The following PRKD1 variants were observed in gnomAD, a reference collection of about 807,000 sequenced individuals.
PRKD1 encodes the protein serine/threonine-protein kinase D1.
Under a neutral mutation model 95.9 loss-of-function variants are expected in PRKD1, and 63 were observed. The observed-to-expected ratio is 0.66, with a 90% CI of 0.54 to 0.81. PRKD1 has a LOEUF of 0.81. PRKD1 is among the 30% of genes least tolerant of loss of function. The probability of loss-of-function intolerance (pLI) is 0.00; values close to 1 mark genes in which losing one functional copy is unlikely to be tolerated. For missense variants in PRKD1, 1,048 were observed against 1,165.3 expected (o/e 0.90, Z 1.47); for synonymous variants, 425 against 423.1 (o/e 1.00, Z -0.05).
chr14:29,841,638 G>A (rs1345040724), intron 1 of PRKD1, among the ~76,000 whole-genome samples: 1 of 152,064 alleles, frequency 6.6e-6, no homozygotes, highest in African/African-American at 2.4e-5. Context: ...CCAGCCATGG[G>A]GAACTATAAG....
intron 4 of PRKD1, among the ~76,000 whole-genome samples, chr14:29,641,319 A>G (rs1880747279): frequency 6.6e-6 from 1 of 152,242 alleles, no homozygotes; most frequent in Non-Finnish European, 1.5e-5. Context: ...AAAATCAGAT[A>G]GCAATCCAAC....
chr14:29,841,887 CA>C (rs903632360), intron 1 of PRKD1, among the ~76,000 whole-genome samples: 93 of 151,566 alleles, frequency 6.1e-4, no homozygotes, highest in African/African-American at 2.1e-3. Context: ...AGCTGTACCC[CA>C]AAAAAAATTT....
intron 1 of PRKD1, among the ~76,000 whole-genome samples, chr14:29,769,530 A>G (rs1888409840): frequency 1.3e-5 from 2 of 152,146 alleles, no homozygotes; most frequent in Admixed American, 6.6e-5. Context: ...ACTGCACTCC[A>G]GCCTAGGCAG....
intron 1 of PRKD1, among the ~76,000 whole-genome samples, chr14:29,785,552 AT>A (rs1889232444): frequency 6.6e-6 from 1 of 150,714 alleles, no homozygotes; most frequent in South Asian, 2.1e-4. Flanking sequence ...GATGCTCTTT[AT>A]TTCTTTTTCT....
At chr14:29,844,100 T>C (rs574064049) in intron 1 of PRKD1, among the ~76,000 whole-genome samples, 5 of 152,304 alleles carry the variant, frequency 3.3e-5, no homozygotes, top group East Asian at 3.9e-4. Flanking sequence ...GTGAACCAAG[T>C]ATTTGGCAGT....
At chr14:29,715,980 T>C (rs1039259648) in intron 2 of PRKD1, among the ~76,000 whole-genome samples, 1 of 152,204 alleles carries the variant, frequency 6.6e-6, no homozygotes, top group Non-Finnish European at 1.5e-5. Context: ...ATCCAAGTCC[T>C]GTTGTGCCAT....
At chr14:29,865,579 T>C (rs1892867029) in intron 1 of PRKD1, among the ~76,000 whole-genome samples, 1 of 152,182 alleles carries the variant, frequency 6.6e-6, no homozygotes, top group Admixed American at 6.5e-5. Context: ...TCTCTTGCAT[T>C]TCCATCTTCT....
chr14:29,866,130 G>A (rs1034021499), intron 1 of PRKD1, among the ~76,000 whole-genome samples: 3 of 151,738 alleles, frequency 2.0e-5, no homozygotes, highest in Non-Finnish European at 4.4e-5. Flanking sequence ...ATAAGATAAA[G>A]TGATACAGAA....
At chr14:29,688,582 C>T (rs1884019203) in intron 2 of PRKD1, among the ~76,000 whole-genome samples, 1 of 152,030 alleles carries the variant, frequency 6.6e-6, no homozygotes, top group African/African-American at 2.4e-5. Context: ...TACCATGATC[C>T]CTTTTATTCC....
Position 29,666,224 on chromosome 14 carries a change from T to A in PRKD1, c.404-16A>T. 6.3e-7 allele frequency: 1 copy of A among 1,577,130 alleles called. No individual in the cohort carries two copies. The highest frequency in any genetic ancestry group is 1.2e-5 in the South Asian group (1 of 85,936). On this transcript the variant is annotated splice_polypyrimidine_tract_variant and intron_variant, in intron 2 of 17. Coordinates refer to ENST00000331968, the MANE Select transcript of PRKD1 (RefSeq NM_002742.3). ...GTGGCGGAAGCTGTAAAAATAGTGA[T>A]GTTGAAAAGTAAGTTGAATAGGCAC...
chr14:29,805,644 T>C (rs903562497), intron 1 of PRKD1, among the ~76,000 whole-genome samples: 10 of 152,310 alleles, frequency 6.6e-5, no homozygotes, highest in South Asian at 4.1e-4. Context: ...AACTAGAGTA[T>C]TGCATTTTTC....
intron 11 of PRKD1, among the ~76,000 whole-genome samples, 174 bp downstream of exon 11, chr14:29,628,867 A>G (rs528944088): frequency 5.3e-5 from 7 of 131,338 alleles, no homozygotes; most frequent in Non-Finnish European, 7.8e-5. Flanking sequence ...TTATAGAAAA[A>G]TTACTAATCT....
chr14:29,592,136 A>G (rs1893152292), intron 16 of PRKD1, among the ~76,000 whole-genome samples: 1 of 152,096 alleles, frequency 6.6e-6, no homozygotes, highest in Non-Finnish European at 1.5e-5. Flanking sequence ...ATAAAGTTGG[A>G]GATGACAGCA....
chr14:29,919,475 C>T (rs914591807), intron 1 of PRKD1, among the ~76,000 whole-genome samples: 3 of 152,146 alleles, frequency 2.0e-5, no homozygotes, highest in Admixed American at 6.5e-5. Flanking sequence ...AACAGAACAA[C>T]GTGAATTTCT....
intron 1 of PRKD1, among the ~76,000 whole-genome samples, chr14:29,831,874 T>A (rs776510862): frequency 6.6e-6 from 1 of 152,172 alleles, no homozygotes; most frequent in African/African-American, 2.4e-5. Flanking sequence ...TTAGATATCA[T>A]AAGTATGTTG....
intron 1 of PRKD1, among the ~76,000 whole-genome samples, chr14:29,729,318 C>T (rs758625453): frequency 3.3e-5 from 5 of 152,044 alleles, no homozygotes; most frequent in South Asian, 2.1e-4. Flanking sequence ...TTTTCCTTTG[C>T]TGGAGGACTT....
At chr14:29,696,589 C>A (rs1382447958) in intron 2 of PRKD1, among the ~76,000 whole-genome samples, 1 of 152,104 alleles carries the variant, frequency 6.6e-6, no homozygotes, top group East Asian at 1.9e-4. Context: ...TTAAAAACCA[C>A]TGATTTGTAA....
intron 4 of PRKD1, among the ~76,000 whole-genome samples, chr14:29,646,736 CA>C (rs1881148761): frequency 7.1e-6 from 1 of 141,192 alleles, no homozygotes; most frequent in Admixed American, 7.0e-5. Flanking sequence ...AAGCAAAAAA[CA>C]AACAAACAAA....
At chr14:29,602,697 G>T (rs915856612) in intron 13 of PRKD1, among the ~76,000 whole-genome samples, 2 of 152,066 alleles carry the variant, frequency 1.3e-5, no homozygotes, top group African/African-American at 4.8e-5. Context: ...CCAAAGTGCT[G>T]GGATTACAGG....
Sources: allele counts gnomAD v4.1 joint callset (sites outside exome capture counted in the v4.1 genomes callset), GRCh38; gene constraint gnomAD v4.1.1; transcripts MANE v1.5; gene names NCBI Gene and HGNC (gene_info 2026-07-23, HGNC 2026-07-21).